The following GRK5 variants were observed in gnomAD, a reference collection of about 807,000 sequenced individuals.
GRK5 encodes G protein-coupled receptor kinase 5.
A neutral mutation model predicts 78.4 loss-of-function variants in GRK5; 40 were observed. The ratio of observed to expected loss-of-function variants is 0.51; its 90% confidence interval spans 0.40 to 0.66. The LOEUF is 0.66. Ranked by LOEUF, GRK5 falls within the 30% of genes least tolerant of loss-of-function variation. GRK5 has a pLI of 0.00. For synonymous variants in GRK5, 289 were observed against 296.8 expected, an observed-to-expected ratio of 0.97 and a Z score of 0.27; for missense variants, 598 against 759.9, an observed-to-expected ratio of 0.79 and a Z score of 2.50.
At chr10:119,283,641 G>A (rs960991085) in intron 1 of GRK5, among the ~76,000 whole-genome samples, 1 of 152,218 alleles carries the variant, frequency 6.6e-6, no homozygotes, top group Non-Finnish European at 1.5e-5. Context: ...TCAGACACCT[G>A]CCCTCTGGGA....
Position 119,275,587 on chromosome 10 carries a change from G to GCTCTCTCTCT in GRK5, c.53-50913_53-50904dup, listed in dbSNP as rs143881383. On this transcript the variant is annotated intron_variant, in intron 1 of 15. Transcript: ENST00000392870. The stretch of plus-strand genomic sequence containing the variant: ...CTAAGGCATGCTTGTGCGTGTGCAC[G>GCTCTCTCTCT]CTCTCTCTCTCTCTCTCTCTCTCTC... 3.4e-3 allele frequency among the ~76,000 whole-genome samples: 443 copies of GCTCTCTCTCT among 130,578 alleles called. 1 individual carries two copies. The highest frequency in any genetic ancestry group is 7.8e-3 in the Middle Eastern group (2 of 256). The allele number at this position is 130,578 out of a possible 152,430, so 85.7% of individuals were successfully genotyped here. A position where few individuals can be genotyped will look rare whatever the true frequency, so the allele number is the denominator to read the frequency against.
chr10:119,240,189 CTTTTTTTTTTTTTTT>C (rs55905745), intron 1 of GRK5, among the ~76,000 whole-genome samples: 2 of 70,100 alleles, frequency 2.9e-5, no homozygotes, highest in African/African-American at 1.2e-4. Context: ...TGTTTCCCGA[CTTTTTTTTTTTTTTT>C]TTTTTTTTTT....
rs1564879413 is a variant in GRK5, at chr10:119,291,920, C to CCTCCTTCTTTTCCTCCTCTTT, written c.53-34596_53-34595insCTCCTTCTTTTCCTCCTCTTT. ...TCTTCTTCCTCCTCCTCCTCTTCTTCTTCCTCCTTCTTTTCCTCCTCTTTT... is the reference window on the plus strand; with the variant it reads ...TCTTCTTCCTCCTCCTCCTCTTCTTCCTCCTTCTTTTCCTCCTCTTTTTCCTCCTTCTTTTCCTCCTCTTTT... On this transcript the variant is annotated intron_variant, in intron 1 of 15. Coordinates refer to ENST00000392870, the MANE Select transcript of GRK5 (RefSeq NM_005308.3). 6.9e-4 allele frequency among the ~76,000 whole-genome samples: 20 copies of CCTCCTTCTTTTCCTCCTCTTT among 28,960 alleles called. No individual in the cohort carries two copies. The East Asian group carries it at 8.3e-3, about 12-fold the overall frequency. 19.0% of individuals were successfully genotyped at this position (28,960 alleles called of 152,430 possible). A position where few individuals can be genotyped will look rare whatever the true frequency, so the allele number is the denominator to read the frequency against.
At chr10:119,275,587 GCT>G (rs143881383) in intron 1 of GRK5, among the ~76,000 whole-genome samples, 2,982 of 130,448 alleles carry the variant, frequency 0.023, 33 homozygotes, top group Middle Eastern at 0.1. Context: ...GCGTGTGCAC[GCT>G]CTCTCTCTCT....
chr10:119,398,841 C>T (rs937542838), intron 4 of GRK5, among the ~76,000 whole-genome samples: 6 of 152,210 alleles, frequency 3.9e-5, no homozygotes, highest in African/African-American at 1.4e-4. Flanking sequence ...CCCGGCTTCA[C>T]TGTCCTGCCA....
At chr10:119,261,660 G>A (rs1849404308) in intron 1 of GRK5, among the ~76,000 whole-genome samples, 1 of 152,266 alleles carries the variant, frequency 6.6e-6, no homozygotes, top group Non-Finnish European at 1.5e-5. Flanking sequence ...ACCTCGGGAG[G>A]CCGAGGCTGG....
intron 8 of GRK5, among the ~76,000 whole-genome samples, chr10:119,432,073 A>ATC (rs1436268709): frequency 6.6e-6 from 1 of 152,178 alleles, no homozygotes; most frequent in African/African-American, 2.4e-5. Context: ...ACCCTCCTCC[A>ATC]TCTAACAGCT....
At chr10:119,311,385 G>A (rs1342198770) in intron 1 of GRK5, among the ~76,000 whole-genome samples, 1 of 152,086 alleles carries the variant, frequency 6.6e-6, no homozygotes, top group Non-Finnish European at 1.5e-5. Flanking sequence ...CACGCAGAAC[G>A]CTTGCTGCAG....
chr10:119,241,760 G>A (rs578231441), intron 1 of GRK5, among the ~76,000 whole-genome samples: 3 of 152,224 alleles, frequency 2.0e-5, no homozygotes, highest in East Asian at 1.9e-4. Context: ...GTTTTCCTCC[G>A]CCCTCTTAGG....
rs575509291 is a variant in GRK5, at chr10:119,414,247, C to T, written c.340-8919C>T. On this transcript the variant is annotated intron_variant, in intron 4 of 15. Coordinates refer to ENST00000392870, the MANE Select transcript of GRK5 (RefSeq NM_005308.3). ...CACATCATTAAGCCCTAAGTGCTTG[C>T]GTCTGGAGATAGAGTGGACAGTCTC... Among the ~76,000 whole-genome samples the T allele has an allele frequency of 3.0e-4, 45 of 152,346 alleles. No individual in the cohort carries two copies. The South Asian group carries it at 8.7e-3, about 29-fold the overall frequency.
chr10:119,237,860 A>G (rs1848957873), intron 1 of GRK5, among the ~76,000 whole-genome samples: 1 of 152,154 alleles, frequency 6.6e-6, no homozygotes, highest in African/African-American at 2.4e-5. Flanking sequence ...TGCTGTTTAC[A>G]TGTTCTTACA....
Position 119,430,567 on chromosome 10 carries a change from G to A in GRK5, c.597+129G>A, listed in dbSNP as rs967220395. The A allele has an allele frequency of 1.5e-5, 11 of 717,762 alleles. No homozygotes were observed. The East Asian group carries it at 2.4e-4, about 16-fold the overall frequency. The allele number at this position is 717,762 out of a possible 1,614,324, so 44.5% of individuals were successfully genotyped here. A position where few individuals can be genotyped will look rare whatever the true frequency, so the allele number is the denominator to read the frequency against. ...GCACCAGTGGCTCAATGTGGGCCCC[G>A]GGGGCAGTGAGGGTGGGAGAGAGTC... On this transcript the variant is annotated intron_variant, in intron 7 of 15. Transcript: ENST00000392870. The surrounding 1 kb of genome is among the most constrained non-coding windows in gnomAD (Gnocchi z 4.5).
At chr10:119,366,182 C>A (rs291967) in intron 2 of GRK5, among the ~76,000 whole-genome samples, 152,089 of 152,334 alleles carry the variant, frequency 1, 75,922 homozygotes, top group East Asian at 1. Context: ...ACTTCTGGAC[C>A]CCGGGGACTT....
At chr10:119,250,642 C>A (rs1205540248) in intron 1 of GRK5, among the ~76,000 whole-genome samples, 1 of 151,704 alleles carries the variant, frequency 6.6e-6, no homozygotes, top group African/African-American at 2.4e-5. Context: ...AGCCACTGTG[C>A]CTGGCCCTAC....
At chr10:119,248,419 G>A (rs1277002453) in intron 1 of GRK5, among the ~76,000 whole-genome samples, 3 of 152,134 alleles carry the variant, frequency 2.0e-5, no homozygotes, top group African/African-American at 7.2e-5. Flanking sequence ...TGGCCCATGT[G>A]CAGATGACAT....
chr10:119,423,646 C>G (rs117908573), intron 5 of GRK5, among the ~76,000 whole-genome samples: 1 of 152,206 alleles, frequency 6.6e-6, no homozygotes, highest in East Asian at 1.9e-4. Context: ...ATCACCTTGT[C>G]TGCAGGTGGC....
At chr10:119,436,564 A>C (rs1589809555) in intron 8 of GRK5, 87 bp from the exon 9 acceptor site, 2 of 1,345,058 alleles carry the variant, frequency 1.5e-6, no homozygotes, top group Non-Finnish European at 2.1e-6. Context: ...GTTCCCTCAC[A>C]CCCCAGCTCC....
At chr10:119,304,085 A>G (rs1461680972) in intron 1 of GRK5, among the ~76,000 whole-genome samples, 1 of 152,076 alleles carries the variant, frequency 6.6e-6, no homozygotes, top group African/African-American at 2.4e-5. Flanking sequence ...GGATGTTGGA[A>G]AACTCAGAAC....
chr10:119,437,505 A>C (rs1050454553), intron 9 of GRK5, among the ~76,000 whole-genome samples: 1 of 152,312 alleles, frequency 6.6e-6, no homozygotes, highest in South Asian at 2.1e-4. Flanking sequence ...AAATAGTGGC[A>C]ATTTTTGATA....
Sources: gnomAD v4.1 joint callset for allele counts (sites outside exome capture counted in the v4.1 genomes callset) on GRCh38, gnomAD v4.1.1 for gene constraint, Gnocchi (gnomAD v3.1) non-coding constraint, MANE v1.5 for transcripts, NCBI Gene and HGNC (gene_info 2026-07-23, HGNC 2026-07-21) for gene names.